Variants in FRAS1 observed in about 807,000 individuals in gnomAD.
The protein encoded by FRAS1 is extracellular matrix organizing protein FRAS1.
FRAS1 carries 290 observed loss-of-function variants against 435.2 expected under a neutral mutation model. The observed-to-expected ratio is 0.67, with a 90% CI of 0.61 to 0.73. The LOEUF is 0.73. Among genes scored for constraint, FRAS1 ranks in the 30% least tolerant of loss-of-function variants. FRAS1 has a pLI of 0.00. For synonymous variants in FRAS1, 1,800 were observed against 1,851.0 expected (o/e 0.97, Z 0.71); for missense variants, 4,860 against 5,001.5 (o/e 0.97, Z 0.85).
chr4:78,157,866 G>T (rs1720961481), intron 2 of FRAS1, among the ~76,000 whole-genome samples: 2 of 151,244 alleles, frequency 1.3e-5, no homozygotes, highest in African/African-American at 2.4e-5. Flanking sequence ...GCTTTTGAGG[G>T]TTCAGTTTTA....
intron 14 of FRAS1, among the ~76,000 whole-genome samples, chr4:78,301,434 G>A (rs1472714532): frequency 6.6e-6 from 1 of 152,096 alleles, no homozygotes; most frequent in East Asian, 1.9e-4. Flanking sequence ...AAAGGAGCAA[G>A]TTATAGTAAG....
At chr4:78,285,975 T>C (rs951204887) in intron 13 of FRAS1, among the ~76,000 whole-genome samples, 6 of 152,202 alleles carry the variant, frequency 3.9e-5, no homozygotes, top group African/African-American at 1.4e-4. Flanking sequence ...TCATACAGTA[T>C]TGGAAAAGGG....
Position 78,508,824 on chromosome 4 carries a change from AC to A in FRAS1, c.9603del (p.Cys3202AlafsTer11). The A allele has an allele frequency of 6.2e-7, 1 of 1,613,644 alleles. No individual in the cohort carries two copies. The highest frequency in any genetic ancestry group is 8.5e-7 in the Non-Finnish European group (1 of 1,179,786). On this transcript the variant is annotated frameshift_variant, in exon 63 of 74. Transcript: ENST00000512123. LOFTEE classifies it high-confidence loss of function. ...PSPGYPLVCVTPCDPHFPRYA... is the reference protein window; with the variant it reads ...PSPGYPLVCVXPCDPHFPRYA... ...CCCAGGCTACCCACTGGTCTGTGTC[AC>A]CCCCTGCGACCCTCATTTCCCCAGA...
intron 50 of FRAS1, among the ~76,000 whole-genome samples, chr4:78,469,768 C>G (rs1297589701): frequency 6.6e-6 from 1 of 151,914 alleles, no homozygotes; most frequent in Non-Finnish European, 1.5e-5. Context: ...TTTGTTTTTC[C>G]TTTTCTTCCT....
At chr4:78,334,439 C>T (rs1317918028) in intron 19 of FRAS1, among the ~76,000 whole-genome samples, 6 of 130,138 alleles carry the variant, frequency 4.6e-5, no homozygotes, top group Non-Finnish European at 7.7e-5. Flanking sequence ...GGCACGATCT[C>T]AGCTCACTGC....
chr4:78,205,712 G>A (rs1426580067), intron 2 of FRAS1, among the ~76,000 whole-genome samples: 1 of 152,194 alleles, frequency 6.6e-6, no homozygotes, highest in African/African-American at 2.4e-5. Context: ...TCCTTTCTGA[G>A]AGGGGGCTCT....
chr4:78,143,176 T>C (rs559161195), intron 2 of FRAS1, among the ~76,000 whole-genome samples: 4 of 152,236 alleles, frequency 2.6e-5, no homozygotes, highest in East Asian at 1.9e-4. Context: ...TGAAATACCA[T>C]GCAAACACTA....
At chr4:78,165,645 A>G (rs1721304389) in intron 2 of FRAS1, among the ~76,000 whole-genome samples, 2 of 152,202 alleles carry the variant, frequency 1.3e-5, no homozygotes, top group Admixed American at 6.5e-5. Flanking sequence ...AGAACTGCCT[A>G]TATGGACCAG....
At chr4:78,276,931 G>T (rs1418841117) in intron 9 of FRAS1, among the ~76,000 whole-genome samples, 1 of 152,184 alleles carries the variant, frequency 6.6e-6, no homozygotes, top group Non-Finnish European at 1.5e-5. Flanking sequence ...TACAGAGGTA[G>T]GCAGGCCTCC....
intron 2 of FRAS1, among the ~76,000 whole-genome samples, chr4:78,216,742 A>G (rs1005438953): frequency 1.3e-5 from 2 of 152,134 alleles, no homozygotes; most frequent in African/African-American, 4.8e-5. Flanking sequence ...CATGATAGAG[A>G]ATAATATGGG....
At chr4:78,181,873 C>G in intron 2 of FRAS1, 2 of 1,611,906 alleles carry the variant, frequency 1.2e-6, no homozygotes, top group Non-Finnish European at 1.7e-6. Flanking sequence ...TGGTCTGGGC[C>G]GCCGCCTGAG....
intron 35 of FRAS1, among the ~76,000 whole-genome samples, chr4:78,424,891 C>G (rs960809871): frequency 6.6e-6 from 1 of 151,912 alleles, no homozygotes; most frequent in Non-Finnish European, 1.5e-5. Context: ...GACTGCACTA[C>G]TGCACTGCAG....
intron 2 of FRAS1, among the ~76,000 whole-genome samples, chr4:78,234,514 C>T (rs945528159): frequency 6.6e-6 from 1 of 152,078 alleles, no homozygotes; most frequent in Admixed American, 6.5e-5. Context: ...CGTGAGCTGC[C>T]GCACCTGGCC....
intron 30 of FRAS1, among the ~76,000 whole-genome samples, chr4:78,403,399 T>C (rs1171735086): frequency 6.6e-6 from 1 of 152,196 alleles, no homozygotes; most frequent in Non-Finnish European, 1.5e-5. Context: ...TTTCCGTGTA[T>C]CCAGAGCCCC....
intron 2 of FRAS1, among the ~76,000 whole-genome samples, chr4:78,178,587 C>T (rs1721871984): frequency 6.6e-6 from 1 of 152,210 alleles, no homozygotes; most frequent in African/African-American, 2.4e-5. Context: ...GTCTGAGCAG[C>T]TGAGATCTTA....
At chr4:78,094,979 A>G (rs930930947) in intron 2 of FRAS1, among the ~76,000 whole-genome samples, 7 of 152,238 alleles carry the variant, frequency 4.6e-5, no homozygotes, top group Admixed American at 6.5e-5. Flanking sequence ...AATGAATTTA[A>G]TACTTCAGTC....
chr4:78,198,277 A>G (rs964194649), intron 2 of FRAS1, among the ~76,000 whole-genome samples: 7 of 152,232 alleles, frequency 4.6e-5, no homozygotes, highest in Non-Finnish European at 8.8e-5. Flanking sequence ...AGCCCTGCAG[A>G]TGAACATTCT....
At chr4:78,162,196 A>G (rs1171889093) in intron 2 of FRAS1, among the ~76,000 whole-genome samples, 2 of 152,186 alleles carry the variant, frequency 1.3e-5, no homozygotes, top group Non-Finnish European at 2.9e-5. Flanking sequence ...TCTTGCTGGA[A>G]GAAGGGAGGA....
rs114760050 is a variant in FRAS1 at position 78,375,282 on chromosome 4, G to A, written c.3152-457G>A. 6.8e-3 allele frequency among the ~76,000 whole-genome samples: 1,033 copies of A among 152,186 alleles called. 16 individuals are homozygous for A. The highest frequency in any genetic ancestry group is 0.023 in the African/African-American group (964 of 41,502). On this transcript the variant is annotated intron_variant, in intron 25 of 73. Transcript: ENST00000512123. ...TTCCTGTGTACCAGGCACTGTTTTC[G>A]TCATTGCACATTATAACACATGTAA...
Sources: gnomAD v4.1 joint callset for allele counts (sites outside exome capture counted in the v4.1 genomes callset) on GRCh38, gnomAD v4.1.1 for gene constraint, MANE v1.5 for transcripts, NCBI Gene and HGNC (gene_info 2026-07-23, HGNC 2026-07-21) for gene names.